The following SLC2A9 variants were observed in gnomAD, a reference collection of about 807,000 sequenced individuals.
SLC2A9 encodes solute carrier family 2 member 9.
A neutral mutation model predicts 50.6 loss-of-function variants in SLC2A9; 39 were observed. The ratio of observed to expected loss-of-function variants is 0.77; its 90% confidence interval spans 0.60 to 1.01. The LOEUF (loss-of-function observed/expected upper bound fraction) is 1.01. SLC2A9 is among the 50% of genes least tolerant of loss of function. SLC2A9 has a pLI of 0.00. For synonymous variants in SLC2A9, 324 were observed against 276.9 expected (o/e 1.17, Z -1.69); for missense variants, 686 against 677.6 (o/e 1.01, Z -0.14).
At chr4:9,890,904 A>C (rs1244271751) in intron 8 of SLC2A9, among the ~76,000 whole-genome samples, 193 bp from the exon 9 acceptor site, 1 of 152,148 alleles carries the variant, frequency 6.6e-6, no homozygotes, top group Non-Finnish European at 1.5e-5. Context: ...CGAGGGAGAG[A>C]AAGTCACAAT....
intron 1 of SLC2A9, 27 bp downstream of exon 1, chr4:10,021,253 C>G: frequency 6.2e-7 from 1 of 1,611,024 alleles, no homozygotes; most frequent in Non-Finnish European, 8.5e-7. Context: ...AGCCCGCCAG[C>G]CATGCAGAAA....
In SLC2A9 at chr4:9,966,175, G is replaced by A. The variant is rs191035848; in HGVS notation, c.681+14417C>T. ...GCCCTTGTGCCCTGCCAGCGGGAAT[G>A]GAAATTGAAGCAGACTATCCGAAAA... On this transcript the variant is annotated intron_variant, in intron 5 of 11. Coordinates refer to ENST00000264784, the MANE Select transcript of SLC2A9 (RefSeq NM_020041.3). 7.4e-4 allele frequency among the ~76,000 whole-genome samples: 112 copies of A among 152,230 alleles called. No individual in the cohort carries two copies. In the Middle Eastern group the frequency reaches 0.02, roughly 28 times the overall value.
intron 11 of SLC2A9, among the ~76,000 whole-genome samples, chr4:9,831,004 CCGCTAATA>C (rs1726044134): frequency 3.9e-5 from 6 of 152,182 alleles, no homozygotes; most frequent in African/African-American, 7.2e-5. Flanking sequence ...TCAGGGCCCT[CCGCTAATA>C]CATGGGCTTC....
chr4:9,857,141 G>C (rs957102340), intron 10 of SLC2A9, among the ~76,000 whole-genome samples: 3 of 152,156 alleles, frequency 2.0e-5, no homozygotes, highest in Non-Finnish European at 4.4e-5. Flanking sequence ...CTCTGTATGG[G>C]TGCTGGAGTT....
intron 1 of SLC2A9, 103 bp from the exon 2 acceptor site, chr4:10,019,176 G>A: frequency 3.2e-6 from 3 of 930,996 alleles, no homozygotes; most frequent in Non-Finnish European, 3.4e-6. Context: ...TTCCGGAGGA[G>A]AAGTCTTTGT....
chr4:9,926,342 T>C (rs1328802184), intron 6 of SLC2A9, among the ~76,000 whole-genome samples: 1 of 149,654 alleles, frequency 6.7e-6, no homozygotes. Flanking sequence ...AAACACACAT[T>C]GTTTCGGGGC....
chr4:9,783,730 T>TAAA, intron 3 of SLC2A9: 2 of 309,336 alleles, frequency 6.5e-6, no homozygotes, highest in East Asian at 5.9e-5. Flanking sequence ...GCTGGGTCCT[T>TAAA]AAAAAAAAAA....
chr4:9,993,317 G>T (rs1578230437), intron 3 of SLC2A9, among the ~76,000 whole-genome samples: 1 of 152,196 alleles, frequency 6.6e-6, no homozygotes, highest in East Asian at 1.9e-4. Flanking sequence ...TGAAAGAACA[G>T]ATGCACAATT....
chr4:9,962,673 C>A (rs549442062), intron 5 of SLC2A9, among the ~76,000 whole-genome samples: 15 of 152,154 alleles, frequency 9.9e-5, no homozygotes, highest in Non-Finnish European at 1.9e-4. Flanking sequence ...ACATGTTTAC[C>A]CGTGTAACAA....
At chr4:9,977,959 T>C (rs1272520530) in intron 5 of SLC2A9, among the ~76,000 whole-genome samples, 1 of 152,242 alleles carries the variant, frequency 6.6e-6, no homozygotes, top group African/African-American at 2.4e-5. Context: ...TCTGGGTTAG[T>C]GTGCACGCAA....
chr4:9,818,722 C>G (rs566122753), intron 3 of SLC2A9, among the ~76,000 whole-genome samples: 1 of 152,348 alleles, frequency 6.6e-6, no homozygotes, highest in South Asian at 2.1e-4. Flanking sequence ...TTATTATTTT[C>G]TTTGTCCTGG....
intron 10 of SLC2A9, among the ~76,000 whole-genome samples, chr4:9,846,960 A>C (rs1446751050): frequency 6.6e-6 from 1 of 152,252 alleles, no homozygotes; most frequent in African/African-American, 2.4e-5. Flanking sequence ...GGTTTAACCC[A>C]GTTTAAATTC....
chr4:9,914,970 G>T (rs1216092082), intron 7 of SLC2A9, among the ~76,000 whole-genome samples: 1 of 152,210 alleles, frequency 6.6e-6, no homozygotes, highest in Non-Finnish European at 1.5e-5. Flanking sequence ...ACCCAGTCTT[G>T]CTTCTCATCT....
chr4:9,895,166 G>A (rs975602033), intron 8 of SLC2A9, among the ~76,000 whole-genome samples: 2 of 152,160 alleles, frequency 1.3e-5, no homozygotes, highest in Non-Finnish European at 2.9e-5. Flanking sequence ...AGGGACATGT[G>A]GCTTTTTGTT....
chr4:9,850,287 T>A (rs556501624), intron 10 of SLC2A9, among the ~76,000 whole-genome samples: 1 of 152,224 alleles, frequency 6.6e-6, no homozygotes, highest in Non-Finnish European at 1.5e-5. Context: ...GAGAACTGCT[T>A]AGACAGGTGG....
At position 9,880,567 on chromosome 4, in the gene SLC2A9, A is replaced by C. The variant is rs184941722; in HGVS notation, c.1291+7000T>G. On this transcript the variant is annotated intron_variant, in intron 10 of 11. Coordinates refer to ENST00000264784, the MANE Select transcript of SLC2A9 (RefSeq NM_020041.3). ...TAGGAAAAAAAAAACAGAGAAGGCT[A>C]AGCTTAGTGATTTTTGGTTAGCAAA... The C allele has an allele frequency of 2.2e-5, 22 of 985,382 alleles. No homozygotes were observed. The African/African-American group carries it at 3.8e-4, about 17-fold the overall frequency. The allele number at this position is 985,382 out of a possible 1,614,324, so 61.0% of individuals were successfully genotyped here. A position where few individuals can be genotyped will look rare whatever the true frequency, so the allele number is the denominator to read the frequency against.
intron 3 of SLC2A9, among the ~76,000 whole-genome samples, chr4:9,816,737 T>A (rs936386883): frequency 2.6e-5 from 4 of 152,078 alleles, no homozygotes; most frequent in Non-Finnish European, 2.9e-5. Context: ...TCAATGTAGC[T>A]GAAAAAATGG....
intron 3 of SLC2A9, among the ~76,000 whole-genome samples, chr4:9,781,008 G>A (rs1718284657): frequency 1.3e-5 from 2 of 152,158 alleles, no homozygotes; most frequent in South Asian, 2.1e-4. Context: ...TTCAAGGACT[G>A]GGGGCGGTGG....
chr4:10,029,435 C>G (rs1292521233), intron 1 of SLC2A9: 1 of 152,144 alleles, frequency 6.6e-6, no homozygotes, highest in African/African-American at 2.4e-5. Flanking sequence ...ATCCTTTTTA[C>G]TTGGTTGTGT....
Sources: allele counts gnomAD v4.1 joint callset (sites outside exome capture counted in the v4.1 genomes callset), GRCh38; gene constraint gnomAD v4.1.1; transcripts MANE v1.5; gene names NCBI Gene and HGNC (gene_info 2026-07-23, HGNC 2026-07-21).